SLCO4A1: variants seen among roughly 807,000 people sequenced by gnomAD.
The protein encoded by SLCO4A1 is solute carrier organic anion transporter family member 4A1.
In SLCO4A1, 51 loss-of-function variants were observed where a neutral mutation model predicts 64.6. The ratio of observed to expected loss-of-function variants is 0.79; its 90% CI spans 0.63 to 1.00. The LOEUF (loss-of-function observed/expected upper bound fraction) is 1.00. Among genes scored for constraint, SLCO4A1 ranks in the 50% least tolerant of loss-of-function variants. SLCO4A1 has a pLI of 0.00. For synonymous variants in SLCO4A1, 471 were observed against 444.9 expected (o/e 1.06, Z -0.74); for missense variants, 919 against 980.5 (o/e 0.94, Z 0.84).
At chr20:62,689,057 A>G (rs1412392359), downstream of SLCO4A1, among the ~76,000 whole-genome samples, 1 of 152,142 alleles carries the variant, frequency 6.6e-6, no homozygotes, top group Non-Finnish European at 1.5e-5. Context: ...GAGGCGCCCC[A>G]TTCTTTCCCA....
chr20:62,673,953 C>T (rs1298113493), downstream of SLCO4A1, among the ~76,000 whole-genome samples: 3 of 152,246 alleles, frequency 2.0e-5, no homozygotes, highest in Admixed American at 2.0e-4. Flanking sequence ...AAACAAGGGC[C>T]AGTCCTTTGC....
intron 1 of SLCO4A1, among the ~76,000 whole-genome samples, chr20:62,643,556 C>A (rs1250764668): frequency 6.6e-6 from 1 of 152,250 alleles, no homozygotes; most frequent in East Asian, 1.9e-4. Context: ...CTGGAGGCGG[C>A]TGGAACGCGG....
intron 1 of SLCO4A1, among the ~76,000 whole-genome samples, chr20:62,648,706 C>T (rs750110616): frequency 2.0e-5 from 3 of 152,136 alleles, no homozygotes; most frequent in Non-Finnish European, 2.9e-5. Context: ...TCCTGGGCAG[C>T]GATGGTGGTG....
In SLCO4A1 at chr20:62,661,023, G is replaced by GCCCCCCC; in HGVS notation, c.1010-36_1010-35insCCCCCCC. ...CTCTCGGAGAAGTCCACCTCCGGGA[G>GCCCCCCC]CCCCCAGCCCCCAGCCCCAGCTCAC... On this transcript the variant is annotated intron_variant, in intron 4 of 11. Transcript: ENST00000217159. This position sits in a 1 kb window ranked among gnomAD's most constrained non-coding sequence, Gnocchi z 5.2. The GCCCCCCC allele has an allele frequency of 4.1e-6, 3 of 732,788 alleles. No homozygotes were observed. Among genetic ancestry groups the GCCCCCCC allele is most frequent in the Non-Finnish European group, 5.0e-6 (2 of 399,750 alleles). The allele number at this position is 732,788 out of a possible 1,614,324, so 45.4% of individuals were successfully genotyped here.
chr20:62,672,890 G>A (rs1365928318), downstream of SLCO4A1, among the ~76,000 whole-genome samples: 1 of 145,606 alleles, frequency 6.9e-6, no homozygotes, highest in African/African-American at 2.4e-5. Flanking sequence ...CTTAGTTTCA[G>A]GTGGGTCAGA....
At chr20:62,674,596 C>T (rs1049201013), downstream of SLCO4A1, among the ~76,000 whole-genome samples, 8 of 152,194 alleles carry the variant, frequency 5.3e-5, no homozygotes, top group African/African-American at 1.7e-4. Flanking sequence ...TTCCAAGGGT[C>T]TGAGCGGCCC....
At chr20:62,673,613 C>T (rs1987434179), downstream of SLCO4A1, among the ~76,000 whole-genome samples, 1 of 144,640 alleles carries the variant, frequency 6.9e-6, no homozygotes, top group Non-Finnish European at 1.6e-5. Context: ...CACTGCCCAG[C>T]CCACCTTCTC....
chr20:62,648,719 G>T (rs1981877527), intron 1 of SLCO4A1, among the ~76,000 whole-genome samples: 1 of 152,216 alleles, frequency 6.6e-6, no homozygotes, highest in Admixed American at 6.5e-5. Flanking sequence ...TGGTGGTGGT[G>T]TGCTGTCAGA....
At chr20:62,648,138 C>T (rs1056513098) in intron 1 of SLCO4A1, among the ~76,000 whole-genome samples, 1 of 152,266 alleles carries the variant, frequency 6.6e-6, no homozygotes, top group African/African-American at 2.4e-5. Flanking sequence ...CCCTGGCTGC[C>T]AAGGCCTCTG....
intron 2 of SLCO4A1, among the ~76,000 whole-genome samples, chr20:62,680,895 G>A (rs1288486408): frequency 1.3e-5 from 2 of 152,104 alleles, no homozygotes; most frequent in Admixed American, 6.6e-5. Flanking sequence ...AATAACTTGG[G>A]AAATGTCTCA....
At chr20:62,680,734 G>C (rs1184938765) in intron 2 of SLCO4A1, among the ~76,000 whole-genome samples, 6 of 152,102 alleles carry the variant, frequency 3.9e-5, no homozygotes, top group African/African-American at 1.2e-4. Flanking sequence ...ACTTGATCAT[G>C]GGCTATGCTT....
downstream of SLCO4A1, among the ~76,000 whole-genome samples, chr20:62,674,953 C>T (rs573156060): frequency 3.9e-5 from 6 of 152,310 alleles, no homozygotes; most frequent in East Asian, 1.9e-4. Flanking sequence ...TTGTTTGAGC[C>T]GCCAAGCTAT....
chr20:62,670,435 T>C (rs1431345889), intron 11 of SLCO4A1, among the ~76,000 whole-genome samples: 1 of 152,204 alleles, frequency 6.6e-6, no homozygotes, highest in African/African-American at 2.4e-5. Context: ...GCCACTCTTA[T>C]TTACCTAATC....
intron 5 of SLCO4A1, among the ~76,000 whole-genome samples, chr20:62,663,745 G>A (rs547746154): frequency 6.6e-6 from 1 of 152,320 alleles, no homozygotes; most frequent in East Asian, 1.9e-4. Context: ...AGGCAGCTGT[G>A]AGCTGGGATG....
intron 2 of SLCO4A1, among the ~76,000 whole-genome samples, chr20:62,679,652 C>A (rs1987741195): frequency 6.6e-6 from 1 of 152,212 alleles, no homozygotes; most frequent in Admixed American, 6.5e-5. Context: ...TGTGAGCCAC[C>A]ATGCCTGGTT....
rs528140444 is a variant in SLCO4A1, at chr20:62,669,742, A to G, written c.2025+664A>G. Among the ~76,000 whole-genome samples the G allele has an allele frequency of 3.3e-5, 5 of 152,298 alleles. No individual in the cohort carries two copies. In the South Asian group the frequency reaches 1.0e-3, roughly 32 times the overall value. On this transcript the variant is annotated intron_variant, in intron 11 of 11. Coordinates refer to ENST00000217159, the MANE Select transcript of SLCO4A1 (RefSeq NM_016354.4). ...ACGCTCTTCCTTGGGTGACGGACCC[A>G]GGAGAGTTCATCCTGCAGGAACCCG... is the stretch of plus-strand genomic sequence containing the variant.
intron 2 of SLCO4A1, among the ~76,000 whole-genome samples, chr20:62,657,998 G>GA (rs1397553619): frequency 6.6e-6 from 1 of 152,048 alleles, no homozygotes; most frequent in Non-Finnish European, 1.5e-5. Context: ...GAGATGTAGG[G>GA]AAGCCCCATG....
chr20:62,658,471 G>A (rs1234335514), intron 2 of SLCO4A1, among the ~76,000 whole-genome samples: 1 of 152,266 alleles, frequency 6.6e-6, no homozygotes, highest in Admixed American at 6.5e-5. Flanking sequence ...TTGGCTTTGA[G>A]GGGGATTTTT....
downstream of SLCO4A1, among the ~76,000 whole-genome samples, chr20:62,677,136 G>A (rs912455487): frequency 3.3e-5 from 5 of 152,238 alleles, no homozygotes; most frequent in Non-Finnish European, 4.4e-5. Context: ...AGGGGCTGGG[G>A]GAAGGTGAGG....
Sources: allele counts gnomAD v4.1 joint callset (sites outside exome capture counted in the v4.1 genomes callset), GRCh38; gene constraint gnomAD v4.1.1; non-coding constraint Gnocchi (gnomAD v3.1); transcripts MANE v1.5; gene names NCBI Gene and HGNC (gene_info 2026-07-23, HGNC 2026-07-21).